Variants in CNGB3 observed in about 807,000 individuals in gnomAD.
The protein encoded by CNGB3 is cyclic nucleotide gated channel subunit beta 3.
Under a neutral mutation model 92.8 loss-of-function variants are expected in CNGB3, and 86 were observed. The ratio of observed to expected loss-of-function variants is 0.93; its 90% CI spans 0.78 to 1.11. The LOEUF is 1.11. CNGB3 is among the 50% of genes least tolerant of loss of function. The pLI, the probability that CNGB3 is intolerant of heterozygous loss-of-function variation, is 0.00. For missense variants in CNGB3, 1,026 were observed against 956.8 expected (o/e 1.07, Z -0.95); for synonymous variants, 333 against 332.7 (o/e 1.00, Z -0.01).
intron 6 of CNGB3, chr8:86,657,970 C>T (rs1823547584): frequency 1.8e-6 from 1 of 553,848 alleles, no homozygotes; most frequent in Admixed American, 1.9e-5. Context: ...GTCTGTCTCT[C>T]CAGACAGCTG....
At chr8:86,617,844 G>C (rs891233950) in intron 13 of CNGB3, among the ~76,000 whole-genome samples, 1 of 152,156 alleles carries the variant, frequency 6.6e-6, no homozygotes, top group Non-Finnish European at 1.5e-5. Flanking sequence ...TTTTTTCACT[G>C]ATGGGCAGTT....
At chr8:86,723,530 T>A (rs1825009412) in intron 3 of CNGB3, among the ~76,000 whole-genome samples, 1 of 152,192 alleles carries the variant, frequency 6.6e-6, no homozygotes, top group Non-Finnish European at 1.5e-5. Context: ...TTTCTTATAA[T>A]GTATAAAAAC....
chr8:86,636,555 A>G lies in CNGB3; in HGVS notation c.1179-3662T>C, dbSNP rs369436820. 7.3e-4 allele frequency among the ~76,000 whole-genome samples: 100 copies of G among 136,236 alleles called. 1 individual carries two copies. In the South Asian group the frequency reaches 0.014, roughly 19 times the overall value. The allele number at this position is 136,236 out of a possible 152,430, so 89.4% of individuals were successfully genotyped here. ...GCCACTGCACTCTAGCCGGGGTGAC[A>G]GAGTAAGACCCTGTCTCAAAAAAAA... On this transcript the variant is annotated intron_variant, in intron 10 of 17. Coordinates refer to ENST00000320005, the MANE Select transcript of CNGB3 (RefSeq NM_019098.5).
chr8:86,736,531 T>C (rs1464370491), intron 2 of CNGB3, among the ~76,000 whole-genome samples: 1 of 152,166 alleles, frequency 6.6e-6, no homozygotes, highest in Non-Finnish European at 1.5e-5. Flanking sequence ...AGGTTGTATT[T>C]TTCTGTGCAA....
chr8:86,708,927 G>T (rs986911913), intron 3 of CNGB3, among the ~76,000 whole-genome samples: 4 of 152,106 alleles, frequency 2.6e-5, no homozygotes, highest in African/African-American at 4.8e-5. Context: ...CAGAAAAAGT[G>T]AATATAGGTA....
At chr8:86,597,712 G>A (rs1822203018) in intron 15 of CNGB3, among the ~76,000 whole-genome samples, 1 of 152,142 alleles carries the variant, frequency 6.6e-6, no homozygotes, top group African/African-American at 2.4e-5. Context: ...TAGGCGCAGT[G>A]GCTTGTACCT....
At chr8:86,592,069 A>T (rs1822056175) in intron 15 of CNGB3, among the ~76,000 whole-genome samples, 1 of 152,244 alleles carries the variant, frequency 6.6e-6, no homozygotes, top group East Asian at 1.9e-4. Context: ...CCCGTCGGAA[A>T]AGCGCAGTAT....
In CNGB3 at chr8:86,670,935, A is replaced by G. The variant is rs1385038790; in HGVS notation, c.493+9T>C. 2 of 1,612,072 alleles carry G rather than the reference A, an allele frequency of 1.2e-6. No individual in the cohort carries two copies. The highest frequency in any genetic ancestry group is 1.7e-6 in the Non-Finnish European group (2 of 1,179,952). ...TTTCTTCCCAGTACTTGGAGGGAGC[A>G]ATGCTTACCAGTTTGTGGGCTGGCT... is the stretch of plus-strand genomic sequence containing the variant. On this transcript the variant is annotated intron_variant, in intron 4 of 17. Transcript: ENST00000320005.
At chr8:86,583,618 G>C (rs1821834541) in intron 15 of CNGB3, among the ~76,000 whole-genome samples, 1 of 151,942 alleles carries the variant, frequency 6.6e-6, no homozygotes, top group South Asian at 2.1e-4. Flanking sequence ...GACTCTCCAG[G>C]CCACTTAAGA....
intron 3 of CNGB3, among the ~76,000 whole-genome samples, chr8:86,696,886 C>A (rs900815833): frequency 1.3e-5 from 2 of 152,044 alleles, no homozygotes; most frequent in Non-Finnish European, 2.9e-5. Context: ...GGTCCATTTA[C>A]TTTCAATGTT....
At chr8:86,621,800 C>T (rs1377343975) in intron 13 of CNGB3, among the ~76,000 whole-genome samples, 2 of 152,208 alleles carry the variant, frequency 1.3e-5, no homozygotes, top group Non-Finnish European at 2.9e-5. Context: ...CGTGGTGGCT[C>T]ACGCCTGTAA....
intron 3 of CNGB3, among the ~76,000 whole-genome samples, chr8:86,711,223 C>T (rs1242150079): frequency 2.0e-5 from 3 of 152,124 alleles, no homozygotes; most frequent in Non-Finnish European, 4.4e-5. Context: ...TTTCTACCTC[C>T]TGTCTCTTTT....
chr8:86,617,739 G>A (rs1403855269), intron 13 of CNGB3, among the ~76,000 whole-genome samples: 1 of 152,204 alleles, frequency 6.6e-6, no homozygotes, highest in Non-Finnish European at 1.5e-5. Flanking sequence ...TTGGGTCAAA[G>A]TGGGAAGTCA....
chr8:86,734,768 G>A (rs1178009309), intron 2 of CNGB3, among the ~76,000 whole-genome samples: 5 of 152,204 alleles, frequency 3.3e-5, no homozygotes, highest in East Asian at 1.9e-4. Context: ...GCAGAGCTGA[G>A]TAGCCTCTGA....
intron 15 of CNGB3, among the ~76,000 whole-genome samples, chr8:86,580,657 A>G (rs1821746072): frequency 6.6e-6 from 1 of 152,252 alleles, no homozygotes. Flanking sequence ...TAAGCAAAAA[A>G]GAGTGGGGGA....
intron 3 of CNGB3, among the ~76,000 whole-genome samples, chr8:86,689,033 T>A (rs199550502): frequency 8.6e-4 from 122 of 141,886 alleles, no homozygotes; most frequent in East Asian, 4.2e-4. Flanking sequence ...TTTTTTTTTT[T>A]ATTAACCCAT....
chr8:86,708,127 T>G (rs969827057), intron 3 of CNGB3: 1 of 152,170 alleles, frequency 6.6e-6, no homozygotes, highest in Non-Finnish European at 1.5e-5. Flanking sequence ...AAGATATAAA[T>G]TTGGGAACCA....
At chr8:86,596,231 A>G (rs1822169090) in intron 15 of CNGB3, among the ~76,000 whole-genome samples, 1 of 152,224 alleles carries the variant, frequency 6.6e-6, no homozygotes, top group African/African-American at 2.4e-5. Flanking sequence ...CAATGGGGAT[A>G]ATAAAGTAAT....
At chr8:86,594,447 T>G in intron 15 of CNGB3, 1 of 289,358 alleles carries the variant, frequency 3.5e-6, no homozygotes, top group South Asian at 3.1e-5. Context: ...TGCATGTTCA[T>G]GAGCTTGTCG....
Sources: allele counts gnomAD v4.1 joint callset (sites outside exome capture counted in the v4.1 genomes callset), GRCh38; gene constraint gnomAD v4.1.1; transcripts MANE v1.5; gene names NCBI Gene and HGNC (gene_info 2026-07-23, HGNC 2026-07-21).